SLC67A1: variants seen among roughly 807,000 people sequenced by gnomAD.
SLC67A1 encodes the protein solute carrier family 67 member 1.
the SLC67A1 span, among the ~76,000 whole-genome samples, chr11:2,911,927 T>G: frequency 1.9e-4 from 29 of 152,332 alleles, no homozygotes; most frequent in East Asian, 5.2e-3. Flanking sequence ...TGCCAGAACA[T>G]TCCATTCGCT....
chr11:2,900,697 A>AAAAAAAAAAAAAAAAAAAAC, the SLC67A1 span, among the ~76,000 whole-genome samples: 1 of 143,702 alleles, frequency 7.0e-6, no homozygotes, highest in Non-Finnish European at 1.6e-5. Context: ...CGTCTCAAAA[A>AAAAAAAAAAAAAAAAAAAAC]AAAAAAAAAA....
chr11:2,916,443 TCACC>T, the SLC67A1 span: 5 of 564,598 alleles, frequency 8.9e-6, no homozygotes, highest in South Asian at 5.0e-5. Context: ...CCTTCATCCA[TCACC>T]TAATAAATGT....
At chr11:2,914,266 C>T in the SLC67A1 span, among the ~76,000 whole-genome samples, 1 of 152,312 alleles carries the variant, frequency 6.6e-6, no homozygotes, top group East Asian at 1.9e-4. Flanking sequence ...GTTGGATGAG[C>T]CCCGGGAAGC....
chr11:2,902,928 C>T, the SLC67A1 span, among the ~76,000 whole-genome samples: 1 of 152,218 alleles, frequency 6.6e-6, no homozygotes, highest in Non-Finnish European at 1.5e-5. Context: ...CCACAGAAGG[C>T]GCTGATGATT....
chr11:2,902,290 A>AGGCCGGGCGGGGAAGGGTGG, the SLC67A1 span: 2 of 152,384 alleles, frequency 1.3e-5, 1 homozygote, highest in Non-Finnish European at 2.9e-5. Flanking sequence ...TCATCCCGGA[A>AGGCCGGGCGGGGAAGGGTGG]GGACCGGTGT....
chr11:2,909,660 C>T, the SLC67A1 span: 2 of 1,539,972 alleles, frequency 1.3e-6, no homozygotes, highest in Non-Finnish European at 1.7e-6. Flanking sequence ...GCTTCGGCGT[C>T]GGAGTCATCC....
the SLC67A1 span, chr11:2,903,445 G>A: frequency 4.2e-5 from 68 of 1,613,088 alleles, no homozygotes; most frequent in South Asian, 1.8e-4. Flanking sequence ...CGTGCTGGCC[G>A]CCACAGAACT....
the SLC67A1 span, chr11:2,908,400 A>G: frequency 3.3e-6 from 4 of 1,212,448 alleles, no homozygotes; most frequent in Non-Finnish European, 4.7e-6. Context: ...CCATGGGCTC[A>G]GACGGGCCAG....
chr11:2,908,345 T>A, the SLC67A1 span: 3 of 1,587,998 alleles, frequency 1.9e-6, no homozygotes, highest in Non-Finnish European at 2.6e-6. Context: ...AGTGTGTGTG[T>A]GTACAGGGGC....
the SLC67A1 span, chr11:2,909,101 G>A: frequency 8.0e-7 from 1 of 1,254,116 alleles, no homozygotes; most frequent in Non-Finnish European, 1.1e-6. Flanking sequence ...CCGCACTCCA[G>A]CCTCCCTGGT....
At chr11:2,909,646 C>T in the SLC67A1 span, 1 of 1,536,650 alleles carries the variant, frequency 6.5e-7, no homozygotes, top group Non-Finnish European at 8.7e-7. Context: ...CCGGCTGGGC[C>T]TCTGCTTCGG....
chr11:2,919,318 GT>G, the SLC67A1 span: 1 of 1,613,784 alleles, frequency 6.2e-7, no homozygotes, highest in Non-Finnish European at 8.5e-7. Context: ...GCTCTTCATG[GT>G]CATGTTCTCC....
chr11:2,917,730 A>C, the SLC67A1 span, among the ~76,000 whole-genome samples: 1 of 152,256 alleles, frequency 6.6e-6, no homozygotes, highest in South Asian at 2.1e-4. Flanking sequence ...GCGTGCAGAG[A>C]ATGCTTTTCC....
chr11:2,906,153 G>A, the SLC67A1 span, among the ~76,000 whole-genome samples: 2 of 152,198 alleles, frequency 1.3e-5, no homozygotes, highest in African/African-American at 4.8e-5. Context: ...AGAAATGCAA[G>A]TCAAAACCAC....
At chr11:2,909,868 C>A in the SLC67A1 span, 1 of 784,406 alleles carries the variant, frequency 1.3e-6, no homozygotes, top group Non-Finnish European at 1.9e-6. Flanking sequence ...CGCGCGAGGC[C>A]TAGGCCTGAC....
the SLC67A1 span, among the ~76,000 whole-genome samples, chr11:2,912,632 G>A: frequency 7.8e-3 from 1,188 of 152,268 alleles, 16 homozygotes; most frequent in African/African-American, 0.027. Context: ...CACAGGCTGC[G>A]GGGGCGGGCA....
chr11:2,923,810 C>T, the SLC67A1 span, among the ~76,000 whole-genome samples: 1 of 152,242 alleles, frequency 6.6e-6, no homozygotes, highest in African/African-American at 2.4e-5. This position sits in a 1 kb window ranked among gnomAD's most constrained non-coding sequence, Gnocchi z 6.5. Flanking sequence ...GACACCACCC[C>T]TGGCCTGGTA....
At chr11:2,907,687 G>A in the SLC67A1 span, among the ~76,000 whole-genome samples, 11 of 152,186 alleles carry the variant, frequency 7.2e-5, no homozygotes, top group African/African-American at 2.7e-4. The surrounding 1 kb of genome is among the most constrained non-coding windows in gnomAD (Gnocchi z 6.7). Flanking sequence ...CAGGGGCAGG[G>A]GGAGGAGCGG....
At chr11:2,907,451 C>T in the SLC67A1 span, among the ~76,000 whole-genome samples, 15 of 152,176 alleles carry the variant, frequency 9.9e-5, no homozygotes, top group East Asian at 5.8e-4. The surrounding 1 kb of genome is among the most constrained non-coding windows in gnomAD (Gnocchi z 6.7). Flanking sequence ...ATTTTTACAA[C>T]GTCATCCATC....
Sources: allele counts gnomAD v4.1 joint callset (sites outside exome capture counted in the v4.1 genomes callset), GRCh38; gene constraint gnomAD v4.1.1; non-coding constraint Gnocchi (gnomAD v3.1); transcripts MANE v1.5; gene names NCBI Gene and HGNC (gene_info 2026-07-23, HGNC 2026-07-21).